Variants in FNTB observed in about 807,000 individuals in gnomAD.
The protein encoded by FNTB is farnesyltransferase, CAAX box, subunit beta, also known as protein farnesyltransferase subunit beta.
Under a neutral mutation model 59.4 loss-of-function variants are expected in FNTB, and 27 were observed. That is an observed-to-expected ratio of 0.45 (90% CI 0.34 to 0.63). FNTB has a LOEUF of 0.63. FNTB is among the 20% of genes least tolerant of loss of function. FNTB has a pLI of 0.02. For missense variants in FNTB, 449 were observed against 559.6 expected, an observed-to-expected ratio of 0.80 and a Z score of 1.99; for synonymous variants, 230 against 220.7, an observed-to-expected ratio of 1.04 and a Z score of -0.37.
intron 1 of FNTB, chr14:65,003,623 CAG>C (rs1429381882): frequency 6.6e-6 from 1 of 152,130 alleles, no homozygotes; most frequent in Non-Finnish European, 1.5e-5. Flanking sequence ...CAACTAAAAA[CAG>C]AGAAGATTGT....
chr14:65,013,310 A>T (rs1019858830), intron 3 of FNTB, among the ~76,000 whole-genome samples: 2 of 143,038 alleles, frequency 1.4e-5, no homozygotes, highest in East Asian at 4.1e-4. Flanking sequence ...AGGGTTGCCA[A>T]ATCATCTTTG....
rs2062010706 is a variant in FNTB at position 65,027,798 on chromosome 14, A to C, written c.605+17A>C. Reference sequence around the variant, plus strand: ...GGATGTGAGGTGAGTGGGGTTTTGCACAGGCTGCCACATCAGTTGACTCTA... The same window carrying C: ...GGATGTGAGGTGAGTGGGGTTTTGCCCAGGCTGCCACATCAGTTGACTCTA... On this transcript the variant is annotated intron_variant, in intron 6 of 11. Transcript: ENST00000246166. This position sits in a 1 kb window ranked among gnomAD's most constrained non-coding sequence, Gnocchi z 5.7. 6.2e-7 allele frequency: 1 copy of C among 1,613,914 alleles called. No homozygotes were observed. The highest frequency in any genetic ancestry group is 8.5e-7 in the Non-Finnish European group (1 of 1,179,972).
chr14:65,002,285 C>T (rs2061532562), intron 1 of FNTB, among the ~76,000 whole-genome samples: 1 of 152,238 alleles, frequency 6.6e-6, no homozygotes. Flanking sequence ...GTGTCCACAA[C>T]CATTGCCTGA....
rs527627959 is a variant in FNTB, at chr14:65,058,895, T to C, written c.1183-2286T>C. Among the ~76,000 whole-genome samples, 7 of 152,348 alleles carry C rather than the reference T, an allele frequency of 4.6e-5. No homozygotes were observed. The East Asian group carries it at 1.3e-3, about 29-fold the overall frequency. ...GCCTAGTACTTTTATTTAGGATTTT[T>C]TTGCATGTACATTCATAAGAAAGAT... On this transcript the variant is annotated intron_variant, in intron 11 of 11. Coordinates refer to ENST00000246166, the MANE Select transcript of FNTB (RefSeq NM_002028.4).
Position 65,015,303 on chromosome 14 carries a change from A to G in FNTB, c.283-322A>G, listed in dbSNP as rs142318296. On this transcript the variant is annotated intron_variant, in intron 3 of 11. Coordinates refer to ENST00000246166, the MANE Select transcript of FNTB (RefSeq NM_002028.4). Reference sequence around the variant, plus strand: ...ATTTTAATAGAGACAGGGTTTCGCCATGTTGGCCAGGCTGGTCTTGAACTC... The same window carrying G: ...ATTTTAATAGAGACAGGGTTTCGCCGTGTTGGCCAGGCTGGTCTTGAACTC... Among the ~76,000 whole-genome samples the G allele has an allele frequency of 9.3e-3, 1,399 of 150,806 alleles. 22 individuals are homozygous for G. Among genetic ancestry groups the G allele is most frequent in the African/African-American group, 0.032 (1,296 of 41,058 alleles).
In FNTB at chr14:64,997,693, C is replaced by G. The variant is rs534462938; in HGVS notation, c.145-6556C>G. 1.9e-4 allele frequency among the ~76,000 whole-genome samples: 29 copies of G among 152,180 alleles called. No homozygotes were observed. Among genetic ancestry groups the G allele is most frequent in the Admixed American group, 3.3e-4 (5 of 15,276 alleles). ...AAACAAAGAAGGATGTTGGGGAGGC[C>G]CGGAATGGGGAGGTGACCGGGAAAA... On this transcript the variant is annotated intron_variant, in intron 1 of 11. Coordinates refer to ENST00000246166, the MANE Select transcript of FNTB (RefSeq NM_002028.4). This position sits in a 1 kb window ranked among gnomAD's most constrained non-coding sequence, Gnocchi z 4.5.
Position 65,003,116 on chromosome 14 carries a change from A to G in FNTB, c.145-1133A>G, listed in dbSNP as rs1220084853. Among the ~76,000 whole-genome samples, 3 of 152,180 alleles carry G rather than the reference A, an allele frequency of 2.0e-5. 1 individual carries two copies. The highest frequency in any genetic ancestry group is 4.4e-5 in the Non-Finnish European group (3 of 68,030). ...AACCATGTGGGGCGGTTTTAGCATT[A>G]TGGTGTGGTCTTCAGAAGAGAAAGA... On this transcript the variant is annotated intron_variant, in intron 1 of 11. Coordinates refer to ENST00000246166, the MANE Select transcript of FNTB (RefSeq NM_002028.4).
At position 65,031,252 on chromosome 14, in the gene FNTB, G is replaced by T. The variant is rs749355877; in HGVS notation, c.606-1358G>T. 1.3e-5 allele frequency among the ~76,000 whole-genome samples: 2 copies of T among 152,066 alleles called. No individual in the cohort carries two copies. Among genetic ancestry groups the T allele is most frequent in the African/African-American group, 4.8e-5 (2 of 41,410 alleles). On this transcript the variant is annotated intron_variant, in intron 6 of 11. Coordinates refer to ENST00000246166, the MANE Select transcript of FNTB (RefSeq NM_002028.4). This position sits in a 1 kb window ranked among gnomAD's most constrained non-coding sequence, Gnocchi z 4.6. ...GAGAAGCTGAAATAAAATGTGCCCCGAGAAGAATTAGGGCTGGGAGGATGG... is the reference window on the plus strand; with the variant it reads ...GAGAAGCTGAAATAAAATGTGCCCCTAGAAGAATTAGGGCTGGGAGGATGG...
At chr14:65,043,799 G>A (rs1003811538) in intron 8 of FNTB, among the ~76,000 whole-genome samples, 8 of 129,648 alleles carry the variant, frequency 6.2e-5, no homozygotes, top group South Asian at 2.5e-4. Flanking sequence ...TCCGCAGTCC[G>A]GCCTGGGCGA....
intron 11 of FNTB, among the ~76,000 whole-genome samples, chr14:65,056,083 A>G (rs1187357384): frequency 1.3e-5 from 2 of 152,178 alleles, no homozygotes; most frequent in African/African-American, 4.8e-5. Flanking sequence ...ATACATATGT[A>G]TCTATAAGCA....
At chr14:65,034,130 C>A (rs1439998867) in intron 7 of FNTB, among the ~76,000 whole-genome samples, 1 of 152,164 alleles carries the variant, frequency 6.6e-6, no homozygotes, top group Non-Finnish European at 1.5e-5. Context: ...TTACTCTAAA[C>A]ATAGTCAAAC....
chr14:65,004,813 C>T (rs915361705), intron 2 of FNTB, among the ~76,000 whole-genome samples: 1 of 152,262 alleles, frequency 6.6e-6, no homozygotes, highest in East Asian at 1.9e-4. Flanking sequence ...CAGGCACCCA[C>T]CACCACACTC....
Position 65,023,737 on chromosome 14 carries a change from G to T in FNTB, c.375-3716G>T, listed in dbSNP as rs1182165324. On this transcript the variant is annotated intron_variant, in intron 4 of 11. Coordinates refer to ENST00000246166, the MANE Select transcript of FNTB (RefSeq NM_002028.4). The surrounding 1 kb of genome is among the most constrained non-coding windows in gnomAD (Gnocchi z 4.1). Reference sequence around the variant, plus strand: ...TGGCTGCCTATTGGACAGCACAGATGTATCTCATTGCTACTCAAAATGTGG... The same window carrying T: ...TGGCTGCCTATTGGACAGCACAGATTTATCTCATTGCTACTCAAAATGTGG... 6.6e-6 allele frequency among the ~76,000 whole-genome samples: 1 copy of T among 152,142 alleles called. No individual in the cohort carries two copies. Among genetic ancestry groups the T allele is most frequent in the Non-Finnish European group, 1.5e-5 (1 of 68,012 alleles).
At chr14:65,033,367 C>G (rs1208884370) in intron 7 of FNTB, among the ~76,000 whole-genome samples, 1 of 152,004 alleles carries the variant, frequency 6.6e-6, no homozygotes, top group Non-Finnish European at 1.5e-5. Flanking sequence ...AGATAAACAC[C>G]AAATTTAGCA....
chr14:65,013,036 G>A (rs934439787), intron 3 of FNTB, among the ~76,000 whole-genome samples: 1 of 152,190 alleles, frequency 6.6e-6, no homozygotes, highest in Non-Finnish European at 1.5e-5. Context: ...GGACTGAGCG[G>A]CAGGCAAAGG....
intron 11 of FNTB, among the ~76,000 whole-genome samples, chr14:65,056,741 C>G (rs2062745087): frequency 6.6e-6 from 1 of 152,176 alleles, no homozygotes. Flanking sequence ...AATCTTCTAT[C>G]AGTTACATGT....
At chr14:64,995,748 TAA>T (rs1888369464) in intron 1 of FNTB, among the ~76,000 whole-genome samples, 1 of 149,260 alleles carries the variant, frequency 6.7e-6, no homozygotes, top group Non-Finnish European at 1.5e-5. Context: ...TGTGTGCATA[TAA>T]GTGTATGTAT....
intron 11 of FNTB, among the ~76,000 whole-genome samples, chr14:65,060,205 GAA>G (rs2062830721): frequency 6.7e-6 from 1 of 148,908 alleles, no homozygotes; most frequent in Non-Finnish European, 1.5e-5. Flanking sequence ...ATATAAAAAA[GAA>G]AATGAAAAAC....
intron 4 of FNTB, 91 bp downstream of exon 4, chr14:65,015,807 T>TG: frequency 6.8e-7 from 1 of 1,469,858 alleles, no homozygotes; most frequent in Admixed American, 1.8e-5. Context: ...TTGTTTGGAA[T>TG]GGAAAAAAAC....
Sources: allele counts gnomAD v4.1 joint callset (sites outside exome capture counted in the v4.1 genomes callset), GRCh38; gene constraint gnomAD v4.1.1; non-coding constraint Gnocchi (gnomAD v3.1); transcripts MANE v1.5; gene names NCBI Gene and HGNC (gene_info 2026-07-23, HGNC 2026-07-21).